The following MTHFD2L variants were observed in gnomAD, a reference collection of about 807,000 sequenced individuals.
MTHFD2L encodes bifunctional methylenetetrahydrofolate dehydrogenase/cyclohydrolase 2, mitochondrial.
In MTHFD2L, 29 loss-of-function variants were observed where a neutral mutation model predicts 34.9. The ratio of observed to expected loss-of-function variants is 0.83; its 90% CI spans 0.62 to 1.13. The LOEUF (loss-of-function observed/expected upper bound fraction) is 1.13, where lower values mean the gene tolerates loss of function less well. MTHFD2L is among the 50% of genes most tolerant of loss of function. The pLI is 0.00. For synonymous variants in MTHFD2L, 167 were observed against 155.7 expected, an observed-to-expected ratio of 1.07 and a Z score of -0.54; for missense variants, 481 against 446.5, an observed-to-expected ratio of 1.08 and a Z score of -0.70.
At chr4:74,243,391 G>T (rs1162099724) in intron 6 of MTHFD2L, among the ~76,000 whole-genome samples, 1 of 152,110 alleles carries the variant, frequency 6.6e-6, no homozygotes, top group Non-Finnish European at 1.5e-5. Flanking sequence ...GCTAAATGGG[G>T]TGGGATTGTT....
At chr4:74,157,677 A>C (rs1381533828), upstream of MTHFD2L, 1 of 457,214 alleles carries the variant, frequency 2.2e-6, no homozygotes, top group Non-Finnish European at 4.4e-6. Flanking sequence ...AATCTCACAA[A>C]GGAAGTGGGA....
chr4:74,262,875 A>G (rs1485877205), intron 6 of MTHFD2L, among the ~76,000 whole-genome samples: 10 of 151,990 alleles, frequency 6.6e-5, no homozygotes, highest in South Asian at 2.1e-4. Context: ...ATTTTTCCAC[A>G]TATCTAAAAA....
At chr4:74,227,734 T>A (rs1427755343) in intron 6 of MTHFD2L, among the ~76,000 whole-genome samples, 1 of 152,200 alleles carries the variant, frequency 6.6e-6, no homozygotes, top group Non-Finnish European at 1.5e-5. Flanking sequence ...CAAGAATGGC[T>A]GACAGCAGAT....
chr4:74,268,323 T>C, intron 6 of MTHFD2L: 1 of 880,356 alleles, frequency 1.1e-6, no homozygotes, highest in Non-Finnish European at 1.4e-6. Flanking sequence ...CTAATTATTA[T>C]CTTTATTTAT....
chr4:74,281,536 A>G lies in MTHFD2L; in HGVS notation c.917A>G (p.Asp306Gly). The change falls in exon 7 of 8, where the codon GAT (aspartate) becomes GGT (glycine). Residue 306 changes from aspartate to glycine, a missense_variant. Asp to Gly is a moderately conservative substitution (Grantham distance 94). Coordinates refer to ENST00000325278, the MANE Select transcript of MTHFD2L (RefSeq NM_001144978.3). Reference protein sequence around the residue: ...PVTGKTKLVGDVDFEAVKKKA... With the variant: ...PVTGKTKLVGGVDFEAVKKKA... ...ACAGGAAAGACAAAATTAGTTGGAG[A>G]TGTGGACTTCGAAGGTAATAAACCA... 6.2e-7 allele frequency: 1 copy of G among 1,612,154 alleles called. No homozygotes were observed. The highest frequency in any genetic ancestry group is 8.5e-7 in the Non-Finnish European group (1 of 1,178,938).
intron 5 of MTHFD2L, among the ~76,000 whole-genome samples, chr4:74,220,110 G>T (rs1737908984): frequency 6.6e-6 from 1 of 151,492 alleles, no homozygotes; most frequent in Non-Finnish European, 1.5e-5. Context: ...TTTTGGTAGG[G>T]ATTTGGGAGG....
In MTHFD2L at chr4:74,163,440, A is replaced by T. The variant is rs1725899589; in HGVS notation, c.143+5159A>T. On this transcript the variant is annotated intron_variant, in intron 1 of 7. Coordinates refer to ENST00000325278, the MANE Select transcript of MTHFD2L (RefSeq NM_001144978.3). ...GGTTCTTTCTGACAAAGTTAGTTTG[A>T]AAACAATGGATATTGTTTAGTACAG... Among the ~76,000 whole-genome samples the T allele has an allele frequency of 3.3e-5, 5 of 152,244 alleles. No individual in the cohort carries two copies. In the South Asian group the frequency reaches 1.0e-3, roughly 31 times the overall value.
chr4:74,216,148 G>A (rs1737175169), intron 5 of MTHFD2L, among the ~76,000 whole-genome samples: 1 of 151,536 alleles, frequency 6.6e-6, no homozygotes, highest in African/African-American at 2.4e-5. Context: ...TAACAAAAGG[G>A]CCACATTTTA....
intron 6 of MTHFD2L, among the ~76,000 whole-genome samples, chr4:74,237,621 A>G (rs1338742293): frequency 1.3e-5 from 2 of 152,142 alleles, no homozygotes; most frequent in Non-Finnish European, 2.9e-5. Flanking sequence ...CTGAAAAAAA[A>G]GAAGAAGTCA....
intron 7 of MTHFD2L, among the ~76,000 whole-genome samples, 183 bp from the exon 8 acceptor site, chr4:74,301,514 C>T (rs899018867): frequency 5.3e-5 from 8 of 150,140 alleles, no homozygotes; most frequent in African/African-American, 1.7e-4. Flanking sequence ...CAGAAGTATT[C>T]GTCTAAGTGA....
chr4:74,170,965 T>C (rs11727233), intron 1 of MTHFD2L, among the ~76,000 whole-genome samples: 103,177 of 126,624 alleles, frequency 0.81, 45,191 homozygotes, highest in Non-Finnish European at 0.96. Flanking sequence ...ACATCACACT[T>C]CGGGGACTGT....
chr4:74,270,683 C>A (rs561571107), intron 6 of MTHFD2L, among the ~76,000 whole-genome samples: 1 of 152,282 alleles, frequency 6.6e-6, no homozygotes, highest in South Asian at 2.1e-4. Context: ...TGGGTATATA[C>A]CCAGTAATGG....
At chr4:74,278,495 A>G (rs540965912) in intron 6 of MTHFD2L, among the ~76,000 whole-genome samples, 5 of 152,154 alleles carry the variant, frequency 3.3e-5, no homozygotes, top group Non-Finnish European at 7.4e-5. Flanking sequence ...ACTACCTTTA[A>G]AAAAAATTTT....
chr4:74,194,638 T>A (rs1417594535), intron 3 of MTHFD2L: 1 of 152,222 alleles, frequency 6.6e-6, no homozygotes, highest in Non-Finnish European at 1.5e-5. Context: ...CCTCCTTACA[T>A]ATTTAAGATT....
intron 1 of MTHFD2L, among the ~76,000 whole-genome samples, chr4:74,133,366 A>G (rs141855615): frequency 1.3e-5 from 2 of 152,218 alleles, no homozygotes; most frequent in African/African-American, 4.8e-5. Context: ...TGAGTTTTGG[A>G]AAGTGCTCTG....
chr4:74,124,255 C>T (rs1196054360), upstream of MTHFD2L, among the ~76,000 whole-genome samples: 4 of 151,320 alleles, frequency 2.6e-5, no homozygotes, highest in Non-Finnish European at 5.9e-5. Flanking sequence ...TTTGCTTTTT[C>T]GTTTTATCAG....
intron 1 of MTHFD2L, among the ~76,000 whole-genome samples, chr4:74,158,592 C>T (rs1285532081): frequency 6.6e-6 from 1 of 152,134 alleles, no homozygotes; most frequent in Non-Finnish European, 1.5e-5. Context: ...AACACGTGGT[C>T]GGCTTGGTCA....
At chr4:74,253,293 T>C (rs1208009492) in intron 6 of MTHFD2L, among the ~76,000 whole-genome samples, 1 of 152,144 alleles carries the variant, frequency 6.6e-6, no homozygotes, top group Non-Finnish European at 1.5e-5. Flanking sequence ...ACATTAATAA[T>C]TATATTTGGG....
chr4:74,175,491 T>C (rs1728859550), intron 3 of MTHFD2L, 88 bp downstream of exon 3: 2 of 1,319,194 alleles, frequency 1.5e-6, no homozygotes, highest in Admixed American at 2.3e-5. Context: ...CTGCAAGTAA[T>C]TTATAAAATA....
Sources: allele counts gnomAD v4.1 joint callset (sites outside exome capture counted in the v4.1 genomes callset), GRCh38; gene constraint gnomAD v4.1.1; transcripts MANE v1.5; gene names NCBI Gene and HGNC (gene_info 2026-07-23, HGNC 2026-07-21).